The following KIFAP3 variants were observed in gnomAD, a reference collection of about 807,000 sequenced individuals.
KIFAP3 encodes kinesin associated protein 3, also known as kinesin-associated protein 3.
KIFAP3 carries 68 observed loss-of-function variants against 106.5 expected under a neutral mutation model. The observed-to-expected ratio is 0.64, with a 90% CI of 0.53 to 0.78. The LOEUF is 0.78. KIFAP3 is among the 30% of genes least tolerant of loss of function. KIFAP3 has a pLI of 0.00. For synonymous variants in KIFAP3, 320 were observed against 311.5 expected, an observed-to-expected ratio of 1.03 and a Z score of -0.29; for missense variants, 780 against 941.8, an observed-to-expected ratio of 0.83 and a Z score of 2.25.
rs774173222 is a variant in KIFAP3, at chr1:169,983,295, T to C, written c.1481A>G (p.Asp494Gly). Residue 494 changes from aspartate to glycine, a missense_variant, in exon 13 of 20, where the codon GAT becomes GGT. By Grantham distance (94) the Asp-to-Gly change is moderately conservative (BLOSUM62 -1). Coordinates refer to ENST00000361580, the MANE Select transcript of KIFAP3 (RefSeq NM_014970.4). ...MKMIRNISQH[D>G]GPTKNLFIDY... is the part of the protein sequence containing the mutation. ...AATAAACAGATTTTTAGTTGGTCCATCATGCTGAGAAATGTTTCTAATCAT... is the reference window on the plus strand; with the variant it reads ...AATAAACAGATTTTTAGTTGGTCCACCATGCTGAGAAATGTTTCTAATCAT... The C allele has an allele frequency of 1.2e-6, 2 of 1,606,524 alleles. No homozygotes were observed.
chr1:170,043,177 C>T (rs1303921187), intron 3 of KIFAP3, among the ~76,000 whole-genome samples: 1 of 152,112 alleles, frequency 6.6e-6, no homozygotes, highest in Non-Finnish European at 1.5e-5. Flanking sequence ...TCATCAGCTC[C>T]CTAAAGAACC....
At chr1:170,057,734 C>A (rs936527800) in intron 1 of KIFAP3, among the ~76,000 whole-genome samples, 1 of 151,728 alleles carries the variant, frequency 6.6e-6, no homozygotes, top group Non-Finnish European at 1.5e-5. Flanking sequence ...GATTAATTTC[C>A]AAACGTTCTA....
chr1:169,963,434 T>C (rs1307379645), intron 17 of KIFAP3, among the ~76,000 whole-genome samples: 1 of 152,228 alleles, frequency 6.6e-6, no homozygotes, highest in African/African-American at 2.4e-5. Context: ...TGTCTCTTTA[T>C]GGTAGAACAA....
intron 19 of KIFAP3, among the ~76,000 whole-genome samples, chr1:169,945,387 A>G (rs572577529): frequency 1.7e-4 from 26 of 152,238 alleles, no homozygotes; most frequent in Non-Finnish European, 2.9e-5. Context: ...AGCTGTGCCC[A>G]GGAGTGTGGG....
chr1:169,950,828 C>A (rs1377160090), intron 19 of KIFAP3, among the ~76,000 whole-genome samples: 1 of 151,898 alleles, frequency 6.6e-6, no homozygotes, highest in Non-Finnish European at 1.5e-5. Flanking sequence ...ATATCAGGAG[C>A]TGAAATGTAG....
intron 1 of KIFAP3, among the ~76,000 whole-genome samples, chr1:170,073,545 C>T (rs979805639): frequency 5.9e-5 from 9 of 152,180 alleles, no homozygotes; most frequent in Admixed American, 5.9e-4. Flanking sequence ...TTTCATCTTT[C>T]GTCCTTGTAT....
chr1:169,942,768 C>T (rs1043319847), intron 19 of KIFAP3, among the ~76,000 whole-genome samples: 1 of 152,144 alleles, frequency 6.6e-6, no homozygotes, highest in East Asian at 1.9e-4. Context: ...TTCACTTTGG[C>T]AATGTAGAAC....
chr1:169,940,408 T>G (rs1359422192), intron 19 of KIFAP3, among the ~76,000 whole-genome samples: 1 of 152,174 alleles, frequency 6.6e-6, no homozygotes, highest in East Asian at 1.9e-4. Flanking sequence ...CTGAAACCAT[T>G]TAGAGCAGCA....
Position 170,035,504 on chromosome 1 carries a change from T to C in KIFAP3, c.567A>G (p.Gln189=). 2 of 1,610,228 alleles carry C rather than the reference T, an allele frequency of 1.2e-6. No individual in the cohort carries two copies. Among genetic ancestry groups the C allele is most frequent in the South Asian group, 2.2e-5 (2 of 90,560 alleles). Residue 189 remains glutamine, a synonymous_variant, in exon 6 of 20, where the codon CAA becomes CAG. Coordinates refer to ENST00000361580, the MANE Select transcript of KIFAP3 (RefSeq NM_014970.4). ...LARVLREDWK[Q]SVELATNIIY... Reference sequence around the variant, plus strand: ...TTATGTTTGTAGCTAACTCGACACTTTGCTTCCAGTCTTCTCTCAGGACCC... The same window carrying C: ...TTATGTTTGTAGCTAACTCGACACTCTGCTTCCAGTCTTCTCTCAGGACCC...
chr1:169,969,995 GT>G (rs1272470738), intron 17 of KIFAP3, among the ~76,000 whole-genome samples: 7 of 152,104 alleles, frequency 4.6e-5, no homozygotes, highest in Middle Eastern at 3.4e-3. Flanking sequence ...GATTTCTGAG[GT>G]TCTCAAATAC....
intron 9 of KIFAP3, among the ~76,000 whole-genome samples, 183 bp from the exon 10 acceptor site, chr1:170,016,807 T>C (rs1435508987): frequency 6.6e-6 from 1 of 152,226 alleles, no homozygotes; most frequent in Non-Finnish European, 1.5e-5. Flanking sequence ...AAAATATATA[T>C]GCCACATCAT....
At chr1:170,006,723 G>A (rs1359477905) in intron 10 of KIFAP3, among the ~76,000 whole-genome samples, 1 of 152,130 alleles carries the variant, frequency 6.6e-6, no homozygotes, top group Admixed American at 6.6e-5. Context: ...ATTGAGGTGA[G>A]GGTAGGGCAG....
chr1:169,978,327 T>C, intron 15 of KIFAP3, 144 bp from the exon 16 acceptor site: 1 of 563,866 alleles, frequency 1.8e-6, no homozygotes, highest in Non-Finnish European at 3.1e-6. Flanking sequence ...TCTATGTTCC[T>C]AATGTAAAAT....
At chr1:169,922,619 C>T (rs1323028252) in intron 19 of KIFAP3, among the ~76,000 whole-genome samples, 1 of 152,132 alleles carries the variant, frequency 6.6e-6, no homozygotes, top group Admixed American at 6.6e-5. Context: ...AGGGAATTAT[C>T]CAACACTTAG....
chr1:169,977,638 C>T (rs976397711), intron 16 of KIFAP3, among the ~76,000 whole-genome samples: 2 of 151,940 alleles, frequency 1.3e-5, no homozygotes, highest in African/African-American at 4.8e-5. Context: ...GGAAGGTATC[C>T]AAGAGGCAGT....
At chr1:170,061,715 T>C (rs1671167048) in intron 1 of KIFAP3, among the ~76,000 whole-genome samples, 1 of 152,112 alleles carries the variant, frequency 6.6e-6, no homozygotes, top group Non-Finnish European at 1.5e-5. Flanking sequence ...CACACACACA[T>C]ATATTTATTG....
chr1:169,996,913 C>G (rs1667397656), intron 10 of KIFAP3, among the ~76,000 whole-genome samples: 2 of 152,104 alleles, frequency 1.3e-5, no homozygotes, highest in Non-Finnish European at 2.9e-5. Flanking sequence ...AAAGAATTTC[C>G]TGATGGGGCA....
At chr1:170,009,856 T>A (rs79502262) in intron 10 of KIFAP3, among the ~76,000 whole-genome samples, 2,397 of 152,214 alleles carry the variant, frequency 0.016, 47 homozygotes, top group South Asian at 0.08. Context: ...GAAGATCTGA[T>A]TCTTGGATAA....
chr1:169,958,344 G>T (rs1261576965), intron 18 of KIFAP3: 1 of 152,054 alleles, frequency 6.6e-6, no homozygotes, highest in Non-Finnish European at 1.5e-5. Flanking sequence ...CTCCTGCCTT[G>T]GCCTCTCAAA....
Sources: gnomAD v4.1 joint callset for allele counts (sites outside exome capture counted in the v4.1 genomes callset) on GRCh38, gnomAD v4.1.1 for gene constraint, MANE v1.5 for transcripts, NCBI Gene and HGNC (gene_info 2026-07-23, HGNC 2026-07-21) for gene names.